Variants in RNF185 observed in about 807,000 individuals in gnomAD.
RNF185 encodes ring finger protein 185.
Under a neutral mutation model 24.9 loss-of-function variants are expected in RNF185, and 13 were observed. That is an observed-to-expected ratio of 0.52 (90% CI 0.34 to 0.83). RNF185 has a LOEUF of 0.83. Ranked by LOEUF, RNF185 falls within the 40% of genes least tolerant of loss-of-function variation. The probability of loss-of-function intolerance (pLI) is 0.01; values close to 1 mark genes in which losing one functional copy is unlikely to be tolerated. For synonymous variants in RNF185, 79 were observed against 90.3 expected, an observed-to-expected ratio of 0.88 and a Z score of 0.71; for missense variants, 184 against 244.7, an observed-to-expected ratio of 0.75 and a Z score of 1.65.
intron 5 of RNF185, 139 bp downstream of exon 5, chr22:31,197,129 A>T (rs769038971): frequency 7.6e-7 from 1 of 1,307,888 alleles, no homozygotes; most frequent in South Asian, 1.3e-5. Flanking sequence ...AGGGGGAAAA[A>T]AATCACTTAT....
chr22:31,201,549 A>G lies in RNF185; in HGVS notation c.415A>G (p.Ile139Val). ...GDGGFQMSFG[I>V]GAFPFGIFAT... is the part of the protein sequence containing the mutation. ...TGGTGGCTTCCAGATGTCTTTTGGAATTGGGGCATTTCCCTTTGGGATATT... is the reference window on the plus strand; with the variant it reads ...TGGTGGCTTCCAGATGTCTTTTGGAGTTGGGGCATTTCCCTTTGGGATATT... Residue 139 changes from isoleucine (I) to valine (V), a missense_variant, in exon 6 of 7, where the codon ATT becomes GTT. Transcript: ENST00000326132. 1 of 1,612,430 alleles carries G rather than the reference A, an allele frequency of 6.2e-7. No individual in the cohort carries two copies. The highest frequency in any genetic ancestry group is 8.5e-7 in the Non-Finnish European group (1 of 1,179,972).
chr22:31,172,215 T>C (rs1046480411), intron 1 of RNF185, among the ~76,000 whole-genome samples: 1 of 152,102 alleles, frequency 6.6e-6, no homozygotes, highest in African/African-American at 2.4e-5. Context: ...TGGCCAGGTG[T>C]GGTGGCTAAT....
intron 1 of RNF185, among the ~76,000 whole-genome samples, chr22:31,174,639 A>G (rs891119027): frequency 2.0e-5 from 3 of 151,748 alleles, no homozygotes; most frequent in African/African-American, 7.3e-5. Context: ...CGGCCTCCCA[A>G]AGTGCTAAGA....
chr22:31,178,736 G>A (rs2048006645), intron 1 of RNF185, among the ~76,000 whole-genome samples: 1 of 152,166 alleles, frequency 6.6e-6, no homozygotes, highest in Admixed American at 6.5e-5. Flanking sequence ...GACCTCAAAT[G>A]TAATTGGCAT....
intron 1 of RNF185, among the ~76,000 whole-genome samples, chr22:31,165,587 ACT>A (rs1923870791): frequency 6.6e-6 from 1 of 152,254 alleles, no homozygotes; most frequent in Admixed American, 6.5e-5. Flanking sequence ...ATTTGGACAT[ACT>A]AAAGCACAAA....
rs149349625 is a variant in RNF185, at chr22:31,188,847, G to A, written c.176+1577G>A. Among the ~76,000 whole-genome samples, 870 of 151,484 alleles carry A rather than the reference G, an allele frequency of 5.7e-3. 6 individuals are homozygous for A. The highest frequency in any genetic ancestry group is 0.02 in the African/African-American group (818 of 41,280). ...AATATATATATATTCTGGGCTGGGC[G>A]CGGTGGCTCACGCCTGTAATCCCAG... On this transcript the variant is annotated intron_variant, in intron 2 of 6. Transcript: ENST00000326132.
chr22:31,195,372 A>C lies in RNF185; in HGVS notation c.196-97A>C, dbSNP rs990483488. On this transcript the variant is annotated intron_variant, in intron 3 of 6. Coordinates refer to ENST00000326132, the MANE Select transcript of RNF185 (RefSeq NM_152267.4). ...TTCCCTGCTCATGCTGGTGTTTCCC[A>C]GTTTGAGGCCTCTGGCCTGTGTTGT... 19 of 683,526 alleles carry C rather than the reference A, an allele frequency of 2.8e-5. No individual in the cohort carries two copies. In the Admixed American group the frequency reaches 3.7e-4, roughly 13 times the overall value. The allele number at this position is 683,526 out of a possible 1,614,324, so 42.3% of individuals were successfully genotyped here.
intron 5 of RNF185, among the ~76,000 whole-genome samples, chr22:31,198,679 G>A (rs1216025063): frequency 2.8e-5 from 4 of 142,776 alleles, no homozygotes; most frequent in African/African-American, 1.0e-4. Context: ...GATTACAGGC[G>A]TGAGCCACCG....
At chr22:31,182,337 G>A (rs1272202557) in intron 1 of RNF185, among the ~76,000 whole-genome samples, 1 of 151,748 alleles carries the variant, frequency 6.6e-6, no homozygotes, top group African/African-American at 2.4e-5. Flanking sequence ...ACTCAGGCTG[G>A]AATGCAGTGG....
chr22:31,195,398 T>G, intron 3 of RNF185, 71 bp from the exon 4 acceptor site: 1 of 1,018,570 alleles, frequency 9.8e-7, no homozygotes, highest in Non-Finnish European at 1.5e-6. Context: ...CCTGTGTTGT[T>G]CTGGTGGCTC....
chr22:31,170,875 T>C (rs2047922060), intron 1 of RNF185, among the ~76,000 whole-genome samples: 1 of 152,102 alleles, frequency 6.6e-6, no homozygotes, highest in Non-Finnish European at 1.5e-5. Context: ...CTGCCCAGGC[T>C]GGTCTCAAAC....
chr22:31,166,929 C>T (rs1311165266), intron 1 of RNF185, among the ~76,000 whole-genome samples: 1 of 152,114 alleles, frequency 6.6e-6, no homozygotes, highest in Non-Finnish European at 1.5e-5. Flanking sequence ...GGATTACAGG[C>T]GTGAGCCACC....
intron 5 of RNF185, among the ~76,000 whole-genome samples, chr22:31,198,294 G>A (rs1241642503): frequency 6.6e-6 from 1 of 151,120 alleles, no homozygotes; most frequent in Admixed American, 6.6e-5. Context: ...AACCCATTGA[G>A]TTTTGGTTCA....
At chr22:31,187,843 G>A (rs186514767) in intron 2 of RNF185, among the ~76,000 whole-genome samples, 66 of 152,328 alleles carry the variant, frequency 4.3e-4, no homozygotes, top group African/African-American at 1.3e-3. Flanking sequence ...GTCGGTGTCT[G>A]TTCCAGCCTT....
chr22:31,184,089 G>T (rs1174535087), intron 1 of RNF185, among the ~76,000 whole-genome samples: 10 of 150,348 alleles, frequency 6.7e-5, no homozygotes, highest in Non-Finnish European at 1.0e-4. Context: ...GGGGCGGCTG[G>T]CCGGGCGGGG....
chr22:31,184,006 G>A (rs1209170061), intron 1 of RNF185, among the ~76,000 whole-genome samples: 2 of 148,844 alleles, frequency 1.3e-5, no homozygotes, highest in Admixed American at 1.3e-4. Context: ...CAGCTGGCCG[G>A]GCGGGGGCTG....
At chr22:31,204,225 C>T (rs1180392573) in intron 6 of RNF185, among the ~76,000 whole-genome samples, 1 of 151,712 alleles carries the variant, frequency 6.6e-6, no homozygotes, top group Non-Finnish European at 1.5e-5. Context: ...CACCTGTAAT[C>T]CCAGCTACTT....
At chr22:31,178,680 C>T (rs961871978) in intron 1 of RNF185, among the ~76,000 whole-genome samples, 1 of 152,194 alleles carries the variant, frequency 6.6e-6, no homozygotes, top group African/African-American at 2.4e-5. Flanking sequence ...AAGACCTCAA[C>T]TTGGTCTTAT....
intron 1 of RNF185, among the ~76,000 whole-genome samples, chr22:31,175,343 A>G (rs1341544920): frequency 1.3e-5 from 2 of 151,660 alleles, no homozygotes; most frequent in Non-Finnish European, 2.9e-5. Context: ...AATCCCAGCT[A>G]CTCAGGAGGC....
Sources: gnomAD v4.1 joint callset for allele counts (sites outside exome capture counted in the v4.1 genomes callset) on GRCh38, gnomAD v4.1.1 for gene constraint, MANE v1.5 for transcripts, NCBI Gene and HGNC (gene_info 2026-07-23, HGNC 2026-07-21) for gene names.